The following USP34 variants were observed in gnomAD, a reference collection of about 807,000 sequenced individuals.
USP34 encodes ubiquitin specific peptidase 34.
In USP34, 70 loss-of-function variants were observed where a neutral mutation model predicts 460.3. The observed-to-expected ratio is 0.15, with a 90% CI of 0.13 to 0.19. The LOEUF (loss-of-function observed/expected upper bound fraction) is 0.19, where lower values mean the gene tolerates loss of function less well. Ranked by LOEUF, USP34 falls within the 10% of genes least tolerant of loss-of-function variation. The pLI is 1.00. For synonymous variants in USP34, 1,647 were observed against 1,405.3 expected (o/e 1.17, Z -3.85); for missense variants, 3,985 against 4,236.2 (o/e 0.94, Z 1.65).
chr2:61,334,127 A>G (rs1203806563), intron 18 of USP34, among the ~76,000 whole-genome samples, 156 bp from the exon 19 acceptor site: 5 of 152,172 alleles, frequency 3.3e-5, no homozygotes, highest in African/African-American at 1.2e-4. Context: ...GTATAAATTC[A>G]TTTTACATAT....
intron 10 of USP34, among the ~76,000 whole-genome samples, chr2:61,364,900 A>G (rs79892428): frequency 1.3e-5 from 2 of 152,146 alleles, no homozygotes; most frequent in Admixed American, 1.3e-4. Flanking sequence ...ACTGTACTCC[A>G]GCCTGGGCAA....
chr2:61,251,358 TGTTC>T (rs961851227), intron 48 of USP34, among the ~76,000 whole-genome samples: 6 of 152,212 alleles, frequency 3.9e-5, no homozygotes, highest in South Asian at 2.1e-4. Context: ...TTAAAGAGTT[TGTTC>T]AAAATAAATA....
At chr2:61,419,383 A>G (rs1020423205) in intron 2 of USP34, among the ~76,000 whole-genome samples, 2 of 146,118 alleles carry the variant, frequency 1.4e-5, no homozygotes, top group African/African-American at 2.5e-5. Context: ...GGTGGTTTGG[A>G]GGCAAACACT....
At chr2:61,262,947 T>A (rs1358162060) in intron 43 of USP34, among the ~76,000 whole-genome samples, 1 of 152,174 alleles carries the variant, frequency 6.6e-6, no homozygotes. Context: ...ATACTGAGCA[T>A]TTTTTCATAT....
intron 48 of USP34, chr2:61,249,889 C>T (rs1558490610): frequency 1.9e-5 from 3 of 160,982 alleles, no homozygotes; most frequent in Non-Finnish European, 4.1e-5. Context: ...CAGGATACCT[C>T]GCTCTCAGAC....
chr2:61,193,377 A>G (rs1009162208), intron 75 of USP34: 7 of 152,172 alleles, frequency 4.6e-5, no homozygotes, highest in African/African-American at 1.2e-4. Flanking sequence ...AAAAAAAAAA[A>G]AAAAAAAAAA....
intron 44 of USP34, among the ~76,000 whole-genome samples, chr2:61,258,807 G>C (rs1688792611): frequency 6.6e-6 from 1 of 152,022 alleles, no homozygotes; most frequent in Non-Finnish European, 1.5e-5. Flanking sequence ...TGTAATTAAG[G>C]GATACTAAGA....
At chr2:61,214,908 AT>A (rs1687356724) in intron 67 of USP34, among the ~76,000 whole-genome samples, 1 of 152,178 alleles carries the variant, frequency 6.6e-6, no homozygotes, top group Admixed American at 6.5e-5. Context: ...TGCCATTGTT[AT>A]TTTTGAAGTG....
intron 2 of USP34, among the ~76,000 whole-genome samples, chr2:61,407,148 G>A (rs771830024): frequency 1.3e-5 from 2 of 152,246 alleles, no homozygotes; most frequent in Non-Finnish European, 2.9e-5. Context: ...CACTTTGGGA[G>A]ACCAAGGTGG....
chr2:61,246,215 C>T, intron 50 of USP34, 109 bp downstream of exon 50: 1 of 857,632 alleles, frequency 1.2e-6, no homozygotes, highest in Non-Finnish European at 1.6e-6. Flanking sequence ...AAAATTTTGT[C>T]TGCCTCATTT....
chr2:61,198,088 TAA>T (rs1686860222), intron 75 of USP34, among the ~76,000 whole-genome samples: 1 of 152,182 alleles, frequency 6.6e-6, no homozygotes, highest in Non-Finnish European at 1.5e-5. Context: ...AATATTAAAA[TAA>T]CTTATTAAAA....
At position 61,311,910 on chromosome 2, in the gene USP34, C is replaced by G. The variant is rs1690604168; in HGVS notation, c.3543G>C (p.Arg1181Ser). The change falls in exon 26 of 80, where the codon AGG becomes AGC. Residue 1181 changes from arginine (R) to serine (S), a missense_variant and splice_region_variant. Arg to Ser is a moderately radical substitution (Grantham distance 110). Coordinates refer to ENST00000398571, the MANE Select transcript of USP34 (RefSeq NM_014709.4). ...GCCACTGTCTCAGATGATATGCAAA[C>G]CTAAAACATGACACAAACAACACAT... is the stretch of plus-strand genomic sequence containing the variant. Reference protein sequence around the residue: ...LKTHLEAFRRRFAYHLRQWQI... With the variant: ...LKTHLEAFRRSFAYHLRQWQI... 1.9e-6 allele frequency: 3 copies of G among 1,611,538 alleles called. No individual in the cohort carries two copies. The highest frequency in any genetic ancestry group is 2.5e-6 in the Non-Finnish European group (3 of 1,179,414).
chr2:61,340,833 A>G (rs1395334639), intron 16 of USP34, among the ~76,000 whole-genome samples: 3 of 147,840 alleles, frequency 2.0e-5, no homozygotes, highest in South Asian at 4.2e-4. Context: ...TAATTTTCAA[A>G]TATTTCTTCT....
At chr2:61,411,380 CAAA>C (rs35518324) in intron 2 of USP34, among the ~76,000 whole-genome samples, 7 of 118,064 alleles carry the variant, frequency 5.9e-5, no homozygotes, top group Admixed American at 8.6e-5. Context: ...GATCCTGTCT[CAAA>C]AAAAAAAAAA....
At chr2:61,192,878 C>T (rs781524564) in intron 76 of USP34, 23 bp downstream of exon 76, 1 of 1,598,864 alleles carries the variant, frequency 6.3e-7, no homozygotes, top group Non-Finnish European at 8.6e-7. Flanking sequence ...AAAGACCAAT[C>T]ATCTAAAACT....
intron 6 of USP34, among the ~76,000 whole-genome samples, chr2:61,382,310 TTA>T (rs1692997775): frequency 6.6e-6 from 1 of 152,224 alleles, no homozygotes; most frequent in Admixed American, 6.5e-5. Context: ...CTGCCCCTGC[TTA>T]TCTCTCCACC....
At chr2:61,231,044 T>G (rs2103831787) in intron 58 of USP34, among the ~76,000 whole-genome samples, 1 of 152,310 alleles carries the variant, frequency 6.6e-6, no homozygotes, top group Admixed American at 6.5e-5. Context: ...TATATACATT[T>G]GACAAACTAT....
chr2:61,346,013 C>A (rs1367192403), intron 15 of USP34, among the ~76,000 whole-genome samples: 1 of 152,140 alleles, frequency 6.6e-6, no homozygotes, highest in Non-Finnish European at 1.5e-5. Flanking sequence ...GTATATTTCA[C>A]AGATAACCAA....
intron 78 of USP34, 70 bp downstream of exon 78, chr2:61,190,201 A>T: frequency 6.6e-7 from 1 of 1,513,978 alleles, no homozygotes; most frequent in Non-Finnish European, 8.8e-7. Context: ...GAGTAAAATC[A>T]TATGAAGGCC....
Sources: gnomAD v4.1 joint callset for allele counts (sites outside exome capture counted in the v4.1 genomes callset) on GRCh38, gnomAD v4.1.1 for gene constraint, MANE v1.5 for transcripts, NCBI Gene and HGNC (gene_info 2026-07-23, HGNC 2026-07-21) for gene names.